The following PDZRN3 variants were observed in gnomAD, a reference collection of about 807,000 sequenced individuals.
PDZRN3 encodes PDZ domain containing ring finger 3, also known as E3 ubiquitin-protein ligase PDZRN3.
PDZRN3 carries 38 observed loss-of-function variants against 85.7 expected under a neutral mutation model. That is an observed-to-expected ratio of 0.44 (90% CI 0.34 to 0.58). The LOEUF is 0.58. Among genes scored for constraint, PDZRN3 ranks in the 20% least tolerant of loss-of-function variants. PDZRN3 has a pLI of 0.01. For missense variants in PDZRN3, 1,629 were observed against 1,506.4 expected (o/e 1.08, Z -1.35); for synonymous variants, 759 against 638.0 (o/e 1.19, Z -2.86).
At chr3:73,519,192 G>A (rs964874292) in intron 3 of PDZRN3, among the ~76,000 whole-genome samples, 2 of 152,202 alleles carry the variant, frequency 1.3e-5, no homozygotes, top group African/African-American at 4.8e-5. Flanking sequence ...TGGGCAGAAA[G>A]TAGGGTGGGA....
At chr3:73,505,016 C>T (rs1254397159) in intron 3 of PDZRN3, among the ~76,000 whole-genome samples, 1 of 152,110 alleles carries the variant, frequency 6.6e-6, no homozygotes, top group Non-Finnish European at 1.5e-5. Flanking sequence ...CAGCAAGTGC[C>T]CTTGGCTCTT....
intron 3 of PDZRN3, among the ~76,000 whole-genome samples, chr3:73,416,075 T>G (rs1702075974): frequency 6.6e-6 from 1 of 152,016 alleles, no homozygotes; most frequent in African/African-American, 2.4e-5. Flanking sequence ...TGTTTGTTTG[T>G]TTGTTTTTCC....
chr3:73,550,845 AT>A (rs1701536009), intron 3 of PDZRN3, among the ~76,000 whole-genome samples: 1 of 152,242 alleles, frequency 6.6e-6, no homozygotes, highest in African/African-American at 2.4e-5. Flanking sequence ...GAATCAGCAG[AT>A]TTGTTGGAAC....
In PDZRN3 at chr3:73,382,572, T is replaced by G. The variant is rs1703254683; in HGVS notation, c.*793A>C. On this transcript the variant is annotated 3_prime_UTR_variant, in exon 10 of 10. Transcript: ENST00000263666. ...TCATGATTTTGTGAACTTGCCTGTATAAGTCTGTACCTTCAAATCTACAAA... is the reference window on the plus strand; with the variant it reads ...TCATGATTTTGTGAACTTGCCTGTAGAAGTCTGTACCTTCAAATCTACAAA... 6.6e-6 allele frequency: 1 copy of G among 152,666 alleles called. No homozygotes were observed. The highest frequency in any genetic ancestry group is 1.5e-5 in the Non-Finnish European group (1 of 68,044). The allele number at this position is 152,666 out of a possible 1,614,324, so 9.5% of individuals were successfully genotyped here.
intron 3 of PDZRN3, among the ~76,000 whole-genome samples, chr3:73,472,831 A>G (rs896826988): frequency 3.3e-5 from 5 of 152,222 alleles, no homozygotes; most frequent in Non-Finnish European, 7.3e-5. Flanking sequence ...AAAAACACCA[A>G]AAGTTTAATA....
intron 3 of PDZRN3, among the ~76,000 whole-genome samples, chr3:73,552,165 T>C (rs1053469024): frequency 1.3e-5 from 2 of 152,082 alleles, no homozygotes; most frequent in African/African-American, 4.8e-5. Context: ...GTTACTCATC[T>C]CAGTACCTCA....
intron 1 of PDZRN3, 107 bp downstream of exon 1, chr3:73,623,996 G>A: frequency 2.7e-6 from 3 of 1,117,680 alleles, no homozygotes; most frequent in South Asian, 1.9e-5. Context: ...GAGGAAGCAA[G>A]GATGTTCCCG....
chr3:73,583,763 C>T (rs1702234330), intron 3 of PDZRN3, among the ~76,000 whole-genome samples: 1 of 152,124 alleles, frequency 6.6e-6, no homozygotes, highest in East Asian at 1.9e-4. Flanking sequence ...TAGCAAATAG[C>T]TCACAAACGT....
Position 73,384,757 on chromosome 3 carries a change from C to CAGG in PDZRN3, c.1808_1809insCCT (p.Gln603delinsHisLeu). 3.1e-6 allele frequency: 5 copies of CAGG among 1,614,010 alleles called. No individual in the cohort carries two copies. The highest frequency in any genetic ancestry group is 4.2e-6 in the Non-Finnish European group (5 of 1,180,048). ...TGTCCTGGCTGCAGGTGAGCTTCCT[C>CAGG]TGCCCCGCCAGCGGGTTGGAGGATG... On this transcript the variant is annotated protein_altering_variant, in exon 10 of 10. Transcript: ENST00000263666.
Position 73,413,643 on chromosome 3 carries a change from G to A in PDZRN3, c.919-9248C>T, listed in dbSNP as rs144792873. 1.8e-3 allele frequency among the ~76,000 whole-genome samples: 272 copies of A among 152,282 alleles called. 3 individuals carry two copies. Among genetic ancestry groups the A allele is most frequent in the African/African-American group, 6.1e-3 (255 of 41,556 alleles). On this transcript the variant is annotated intron_variant, in intron 3 of 9. Transcript: ENST00000263666. ...TAACCACCGAGCAGCACAGCCGGCAGTGCTGTTACCTGACCTGGGCTGTAA... is the reference window on the plus strand; with the variant it reads ...TAACCACCGAGCAGCACAGCCGGCAATGCTGTTACCTGACCTGGGCTGTAA...
intron 3 of PDZRN3, among the ~76,000 whole-genome samples, chr3:73,484,557 T>C (rs901334695): frequency 3.3e-5 from 5 of 152,152 alleles, no homozygotes; most frequent in African/African-American, 4.8e-5. Context: ...AGATAAACTA[T>C]AGCACAGATA....
intron 3 of PDZRN3, among the ~76,000 whole-genome samples, chr3:73,518,959 G>A (rs954701114): frequency 1.3e-5 from 2 of 152,232 alleles, no homozygotes; most frequent in African/African-American, 4.8e-5. Flanking sequence ...GGAGACAAGT[G>A]ACGTACTTAA....
rs61737048 is a variant in PDZRN3 at position 73,383,793 on chromosome 3, T to C, written c.2773A>G (p.Ile925Val). ...ATGTAGCGCGTCCCGTCGCTGCGGATCTTCACCTTCCACTCCATGCGCGGC... is the reference window on the plus strand; with the variant it reads ...ATGTAGCGCGTCCCGTCGCTGCGGACCTTCACCTTCCACTCCATGCGCGGC... ...SEPRMEWKVK[I>V]RSDGTRYITK... The change falls in exon 10 of 10, where the codon ATC becomes GTC. Residue 925 changes from isoleucine to valine, a missense_variant. Transcript: ENST00000263666. 8.2e-5 allele frequency: 133 copies of C among 1,613,632 alleles called. No homozygotes were observed. In the African/African-American group the frequency reaches 1.7e-3, roughly 20 times the overall value.
chr3:73,588,860 C>T (rs200758768), intron 3 of PDZRN3, among the ~76,000 whole-genome samples: 11 of 152,252 alleles, frequency 7.2e-5, no homozygotes, highest in East Asian at 5.8e-4. Context: ...TGACTCAAGT[C>T]TGAGAAACAC....
chr3:73,604,381 T>G (rs1702563181), intron 2 of PDZRN3, among the ~76,000 whole-genome samples: 1 of 152,200 alleles, frequency 6.6e-6, no homozygotes. Flanking sequence ...AGTACTATTA[T>G]TACCCATTCC....
intron 3 of PDZRN3, among the ~76,000 whole-genome samples, chr3:73,538,310 A>C (rs1050426632): frequency 3.3e-5 from 5 of 152,330 alleles, no homozygotes; most frequent in African/African-American, 7.2e-5. Context: ...CACTACATAC[A>C]CTTTAAGTAC....
At chr3:73,415,984 C>CA (rs34623609) in intron 3 of PDZRN3, among the ~76,000 whole-genome samples, 1,730 of 61,990 alleles carry the variant, frequency 0.028, 14 homozygotes, top group Middle Eastern at 0.082. Context: ...CTTTCATCAC[C>CA]AAAAAAAAAA....
At chr3:73,605,340 T>C (rs1373847451) in intron 2 of PDZRN3, among the ~76,000 whole-genome samples, 2 of 152,216 alleles carry the variant, frequency 1.3e-5, no homozygotes, top group Non-Finnish European at 2.9e-5. Flanking sequence ...ATTTATTTTG[T>C]TTTGCTGCCT....
intron 3 of PDZRN3, among the ~76,000 whole-genome samples, chr3:73,458,875 C>T (rs1703042415): frequency 6.6e-6 from 1 of 151,688 alleles, no homozygotes; most frequent in Non-Finnish European, 1.5e-5. Context: ...GCCTGTAGCC[C>T]CAGCTACTTG....
Sources: allele counts gnomAD v4.1 joint callset (sites outside exome capture counted in the v4.1 genomes callset), GRCh38; gene constraint gnomAD v4.1.1; transcripts MANE v1.5; gene names NCBI Gene and HGNC (gene_info 2026-07-23, HGNC 2026-07-21).